Variants in SORCS2 observed in about 807,000 individuals in gnomAD.
SORCS2 encodes the protein VPS10 domain-containing receptor SorCS2.
In SORCS2, 100 loss-of-function variants were observed where a neutral mutation model predicts 141.6. The observed-to-expected ratio is 0.71, with a 90% CI of 0.60 to 0.83. The LOEUF is 0.83. Ranked by LOEUF, SORCS2 falls within the 40% of genes least tolerant of loss-of-function variation. The pLI is 0.00. For missense variants in SORCS2, 1,646 were observed against 1,560.2 expected, an observed-to-expected ratio of 1.05 and a Z score of -0.93; for synonymous variants, 789 against 676.9, an observed-to-expected ratio of 1.17 and a Z score of -2.57.
chr4:7,339,797 G>A (rs1327411806), intron 1 of SORCS2, among the ~76,000 whole-genome samples: 2 of 152,192 alleles, frequency 1.3e-5, no homozygotes, highest in Admixed American at 1.3e-4. Flanking sequence ...CAGCTCAGAC[G>A]TGTTCATATT....
At chr4:7,697,372 T>G in intron 12 of SORCS2, 98 bp downstream of exon 12, 2 of 1,073,852 alleles carry the variant, frequency 1.9e-6, no homozygotes, top group Non-Finnish European at 2.7e-6. Flanking sequence ...CCAGAGGCTC[T>G]GTGGGAGAAG....
intron 1 of SORCS2, among the ~76,000 whole-genome samples, chr4:7,304,322 A>G (rs1467593659): frequency 6.6e-6 from 1 of 152,062 alleles, no homozygotes; most frequent in Non-Finnish European, 1.5e-5. Flanking sequence ...GGGGCAGGTG[A>G]TGGTTGGTGC....
chr4:7,321,503 G>T (rs1345606466), intron 1 of SORCS2, among the ~76,000 whole-genome samples: 1 of 152,196 alleles, frequency 6.6e-6, no homozygotes. Context: ...ATCAAATCAA[G>T]AACTCAATCC....
chr4:7,453,190 C>T (rs1728598599), intron 2 of SORCS2, among the ~76,000 whole-genome samples: 2 of 119,104 alleles, frequency 1.7e-5, no homozygotes, highest in Non-Finnish European at 3.4e-5. Context: ...GTGTTGGGGT[C>T]AGGCTCCGTG....
intron 2 of SORCS2, among the ~76,000 whole-genome samples, chr4:7,475,303 T>C (rs1273660480): frequency 6.6e-6 from 1 of 151,868 alleles, no homozygotes; most frequent in Non-Finnish European, 1.5e-5. Context: ...GGAGAGCTGG[T>C]CATGGTGGGA....
chr4:7,494,284 C>T (rs1028691383), intron 2 of SORCS2, among the ~76,000 whole-genome samples: 7 of 152,196 alleles, frequency 4.6e-5, no homozygotes, highest in Non-Finnish European at 5.9e-5. Flanking sequence ...AGCTGTTTCC[C>T]GGTGTTTTAT....
chr4:7,453,241 G>A (rs1728604854), intron 2 of SORCS2, among the ~76,000 whole-genome samples: 1 of 134,282 alleles, frequency 7.4e-6, no homozygotes, highest in Non-Finnish European at 1.6e-5. Flanking sequence ...GCTGTGTGTT[G>A]GGGTCAGGTG....
chr4:7,728,714 A>G (rs1727396113), intron 22 of SORCS2, among the ~76,000 whole-genome samples: 1 of 152,206 alleles, frequency 6.6e-6, no homozygotes, highest in African/African-American at 2.4e-5. Context: ...CTCCATGCAC[A>G]CAGTCCAGGG....
intron 2 of SORCS2, among the ~76,000 whole-genome samples, chr4:7,400,461 CCCACCACCACCA>C (rs71173499): frequency 1.3e-5 from 2 of 151,224 alleles, no homozygotes; most frequent in African/African-American, 4.9e-5. Context: ...TATGGTTTGC[CCCACCACCACCA>C]CCACCACCAC....
chr4:7,583,570 G>A (rs1716323078), intron 3 of SORCS2, among the ~76,000 whole-genome samples: 1 of 152,192 alleles, frequency 6.6e-6, no homozygotes, highest in African/African-American at 2.4e-5. Context: ...CATGGGGGCA[G>A]TTTCCCCCAT....
At chr4:7,642,275 T>A (rs1720800627) in intron 4 of SORCS2, among the ~76,000 whole-genome samples, 1 of 152,242 alleles carries the variant, frequency 6.6e-6, no homozygotes, top group Non-Finnish European at 1.5e-5. Flanking sequence ...TGGCTTGTGC[T>A]TCTGGGTATT....
intron 4 of SORCS2, among the ~76,000 whole-genome samples, chr4:7,652,222 C>G (rs1358483900): frequency 6.6e-6 from 1 of 151,870 alleles, no homozygotes; most frequent in African/African-American, 2.4e-5. Flanking sequence ...CCAGGACTGT[C>G]TCTTCCATGA....
intron 8 of SORCS2, among the ~76,000 whole-genome samples, chr4:7,674,658 G>C (rs933008917): frequency 3.3e-5 from 5 of 151,430 alleles, no homozygotes; most frequent in African/African-American, 9.7e-5. Flanking sequence ...ACAGGGAACA[G>C]GCAGGGCAGT....
chr4:7,556,744 A>G (rs1009976867), intron 3 of SORCS2, among the ~76,000 whole-genome samples: 1 of 146,408 alleles, frequency 6.8e-6, no homozygotes, highest in Admixed American at 6.8e-5. Context: ...CCATGTGTCC[A>G]CCCATCTACC....
At chr4:7,660,286 G>A (rs1722067847) in intron 5 of SORCS2, among the ~76,000 whole-genome samples, 1 of 152,192 alleles carries the variant, frequency 6.6e-6, no homozygotes, top group Non-Finnish European at 1.5e-5. Flanking sequence ...GGTGGATTGA[G>A]GGTGGAGTGG....
At chr4:7,507,915 C>G (rs1732374610) in intron 2 of SORCS2, among the ~76,000 whole-genome samples, 1 of 152,150 alleles carries the variant, frequency 6.6e-6, no homozygotes, top group Admixed American at 6.5e-5. Flanking sequence ...TGTATAACCA[C>G]TTCAGTGACA....
intron 1 of SORCS2, among the ~76,000 whole-genome samples, chr4:7,373,462 A>ATATATATATATATATATATATT (rs1722391824): frequency 1.7e-5 from 1 of 58,916 alleles, no homozygotes; most frequent in African/African-American, 1.2e-4. Context: ...AAACTTTTAT[A>ATATATATATATATATATATATT]TATATATATA....
chr4:7,276,269 A>G (rs771309519), intron 1 of SORCS2, among the ~76,000 whole-genome samples: 5 of 152,058 alleles, frequency 3.3e-5, no homozygotes, highest in Non-Finnish European at 5.9e-5. Context: ...GCTTTGGAAG[A>G]GATTGCTCTT....
chr4:7,503,574 C>G (rs1732101876), intron 2 of SORCS2, among the ~76,000 whole-genome samples: 2 of 152,030 alleles, frequency 1.3e-5, no homozygotes, highest in South Asian at 4.2e-4. Flanking sequence ...AGACGGAGAC[C>G]CAGATACACC....
Sources: allele counts gnomAD v4.1 joint callset (sites outside exome capture counted in the v4.1 genomes callset), GRCh38; gene constraint gnomAD v4.1.1; transcripts MANE v1.5; gene names NCBI Gene and HGNC (gene_info 2026-07-23, HGNC 2026-07-21).